Variants in PDZRN4 observed in about 807,000 individuals in gnomAD.
PDZRN4 encodes PDZ domain-containing RING finger protein 4.
PDZRN4 carries 70 observed loss-of-function variants against 99.0 expected under a neutral mutation model. The observed-to-expected ratio is 0.71, with a 90% CI of 0.58 to 0.86. The LOEUF is 0.86. Ranked by LOEUF, PDZRN4 falls within the 40% of genes least tolerant of loss-of-function variation. The probability of loss-of-function intolerance (pLI) is 0.00; values close to 1 mark genes in which losing one functional copy is unlikely to be tolerated. For missense variants in PDZRN4, 1,474 were observed against 1,331.2 expected (o/e 1.11, Z -1.67); for synonymous variants, 551 against 501.6 (o/e 1.10, Z -1.32).
chr12:41,555,450 G>A (rs932662800), intron 6 of PDZRN4, among the ~76,000 whole-genome samples: 1 of 151,526 alleles, frequency 6.6e-6, no homozygotes, highest in East Asian at 1.9e-4. Flanking sequence ...ATAGAGAAAG[G>A]GTGGAAAACT....
intron 3 of PDZRN4, chr12:41,473,571 T>C (rs934096756): frequency 6.6e-6 from 1 of 152,230 alleles, no homozygotes; most frequent in Non-Finnish European, 1.5e-5. Flanking sequence ...CTTCTGGCCA[T>C]GGGCCCCATG....
intron 3 of PDZRN4, among the ~76,000 whole-genome samples, chr12:41,227,748 C>G (rs1951003742): frequency 2.6e-5 from 4 of 151,850 alleles, no homozygotes; most frequent in African/African-American, 9.7e-5. Flanking sequence ...GAGATATATG[C>G]TGTTTGGTGT....
Position 41,196,839 on chromosome 12 carries a change from T to C in PDZRN4, c.843+2651T>C, listed in dbSNP as rs190473571. Among the ~76,000 whole-genome samples the C allele has an allele frequency of 9.9e-4, 150 of 152,236 alleles. 1 individual carries two copies. The highest frequency in any genetic ancestry group is 3.5e-3 in the African/African-American group (146 of 41,564). On this transcript the variant is annotated intron_variant, in intron 3 of 9. Transcript: ENST00000402685. ...TTAAAGTAAAGATAATAATTTATTT[T>C]CTGTTTTGTGATCAAAGATTTGTTC...
intron 3 of PDZRN4, among the ~76,000 whole-genome samples, chr12:41,300,010 C>T (rs1223145474): frequency 6.6e-6 from 1 of 151,710 alleles, no homozygotes; most frequent in Non-Finnish European, 1.5e-5. Flanking sequence ...GTGTCTTCTA[C>T]CAGTATTATT....
intron 3 of PDZRN4, among the ~76,000 whole-genome samples, chr12:41,209,098 A>C (rs1950869750): frequency 6.6e-6 from 1 of 151,854 alleles, no homozygotes; most frequent in Admixed American, 6.6e-5. Context: ...AGACTTTGTA[A>C]GATAATTTTT....
At chr12:41,285,465 G>C (rs958555876) in intron 3 of PDZRN4, among the ~76,000 whole-genome samples, 2 of 152,160 alleles carry the variant, frequency 1.3e-5, no homozygotes, top group Admixed American at 1.3e-4. Context: ...CAAGGATCTA[G>C]AGCCAGAAAT....
At chr12:41,420,572 A>G (rs1405488117) in intron 3 of PDZRN4, among the ~76,000 whole-genome samples, 1 of 152,056 alleles carries the variant, frequency 6.6e-6, no homozygotes, top group Non-Finnish European at 1.5e-5. Flanking sequence ...CTCTCCCTAC[A>G]TAGCTCCCCT....
chr12:41,476,616 A>G (rs1953045313), intron 3 of PDZRN4, among the ~76,000 whole-genome samples: 1 of 152,186 alleles, frequency 6.6e-6, no homozygotes, highest in South Asian at 2.1e-4. Flanking sequence ...GGTCTACTCT[A>G]AGAGCTTTGT....
intron 3 of PDZRN4, among the ~76,000 whole-genome samples, chr12:41,437,141 C>T (rs567084438): frequency 5.0e-4 from 76 of 152,162 alleles, no homozygotes; most frequent in African/African-American, 1.7e-3. Context: ...CTTATTTCCT[C>T]CTTAGTAAGT....
intron 3 of PDZRN4, among the ~76,000 whole-genome samples, chr12:41,380,808 T>C (rs920120880): frequency 6.6e-6 from 1 of 152,156 alleles, no homozygotes; most frequent in African/African-American, 2.4e-5. Context: ...AACTCTATAT[T>C]TACCTTATCT....
intron 3 of PDZRN4, among the ~76,000 whole-genome samples, chr12:41,488,631 A>G (rs540686921): frequency 4.6e-5 from 7 of 152,300 alleles, no homozygotes; most frequent in African/African-American, 1.7e-4. Context: ...CACCAGGACA[A>G]TGCCATAGTG....
chr12:41,392,076 A>T lies in PDZRN4; in HGVS notation c.844-114380A>T, dbSNP rs551105226. On this transcript the variant is annotated intron_variant, in intron 3 of 9. Transcript: ENST00000402685. ...TCTTAACAAAATTAGGTCACATAAA[A>T]TGTACTGATATCAGAATTCTTGTGA... Among the ~76,000 whole-genome samples the T allele has an allele frequency of 1.2e-3, 181 of 152,318 alleles. 4 individuals are homozygous for T. The South Asian group carries it at 0.037, about 31-fold the overall frequency.
At chr12:41,403,842 A>T (rs1240248127) in intron 3 of PDZRN4, among the ~76,000 whole-genome samples, 1 of 152,188 alleles carries the variant, frequency 6.6e-6, no homozygotes, top group Non-Finnish European at 1.5e-5. Context: ...AAAAATCACA[A>T]AAAAATGCAA....
At chr12:41,438,044 G>T in intron 3 of PDZRN4, 1 of 1,610,566 alleles carries the variant, frequency 6.2e-7, no homozygotes, top group South Asian at 1.1e-5. Context: ...CAGCAACTAA[G>T]AGCCAGGCTT....
chr12:41,484,607 T>C (rs556144324), intron 3 of PDZRN4, among the ~76,000 whole-genome samples: 4 of 152,324 alleles, frequency 2.6e-5, no homozygotes, highest in South Asian at 4.1e-4. Flanking sequence ...TTTATTAATG[T>C]CAGTTATTAG....
At chr12:41,434,882 T>C (rs2120449379) in intron 3 of PDZRN4, among the ~76,000 whole-genome samples, 1 of 152,358 alleles carries the variant, frequency 6.6e-6, no homozygotes. Flanking sequence ...AGGGCAGTGT[T>C]CAGATGAATG....
chr12:41,482,448 A>C (rs1937690529), intron 3 of PDZRN4, among the ~76,000 whole-genome samples: 1 of 152,148 alleles, frequency 6.6e-6, no homozygotes, highest in Non-Finnish European at 1.5e-5. Flanking sequence ...TGGCTAGCCA[A>C]CCAATAGTAT....
chr12:41,542,127 G>C (rs2120770585), intron 5 of PDZRN4, among the ~76,000 whole-genome samples: 1 of 152,308 alleles, frequency 6.6e-6, no homozygotes, highest in Non-Finnish European at 1.5e-5. Context: ...ACTTTGCAGA[G>C]TGCACATAGC....
intron 5 of PDZRN4, among the ~76,000 whole-genome samples, chr12:41,538,009 CTTAA>C (rs1938778730): frequency 6.6e-6 from 1 of 152,008 alleles, no homozygotes. Flanking sequence ...TTTCTTGATT[CTTAA>C]TTAATATTTT....
Sources: gnomAD v4.1 joint callset for allele counts (sites outside exome capture counted in the v4.1 genomes callset) on GRCh38, gnomAD v4.1.1 for gene constraint, MANE v1.5 for transcripts, NCBI Gene and HGNC (gene_info 2026-07-23, HGNC 2026-07-21) for gene names.